SLC2A13: variants seen among roughly 807,000 people sequenced by gnomAD.
The protein encoded by SLC2A13 is proton myo-inositol cotransporter.
A neutral mutation model predicts 64.4 loss-of-function variants in SLC2A13; 32 were observed. The observed-to-expected ratio is 0.50, with a 90% CI of 0.37 to 0.67. The LOEUF is 0.67. SLC2A13 is among the 30% of genes least tolerant of loss of function. The pLI is 0.00. For synonymous variants in SLC2A13, 338 were observed against 327.1 expected, an observed-to-expected ratio of 1.03 and a Z score of -0.36; for missense variants, 743 against 829.2, an observed-to-expected ratio of 0.90 and a Z score of 1.28.
intron 3 of SLC2A13, among the ~76,000 whole-genome samples, chr12:40,014,976 A>T (rs1947599637): frequency 6.6e-6 from 1 of 152,236 alleles, no homozygotes; most frequent in Non-Finnish European, 1.5e-5. Context: ...AAACTCCAAG[A>T]CTAAATTAAA....
At chr12:39,858,901 C>A (rs891439124) in intron 6 of SLC2A13, among the ~76,000 whole-genome samples, 1 of 152,042 alleles carries the variant, frequency 6.6e-6, no homozygotes, top group Admixed American at 6.6e-5. Context: ...GCACCGTGCC[C>A]GACCGTTTTT....
chr12:39,944,395 TTTG>T (rs1341648896), intron 4 of SLC2A13, among the ~76,000 whole-genome samples: 20 of 152,254 alleles, frequency 1.3e-4, no homozygotes, highest in Admixed American at 1.0e-3. Context: ...CCACTGTTTC[TTTG>T]TTGACTTTTT....
At chr12:40,052,915 T>C (rs1375414242) in intron 1 of SLC2A13, among the ~76,000 whole-genome samples, 2 of 152,096 alleles carry the variant, frequency 1.3e-5, no homozygotes, top group Admixed American at 6.6e-5. Context: ...GACGAGCAAA[T>C]ATCTACCTTA....
At chr12:39,765,005 A>T in intron 7 of SLC2A13, 147 bp from the exon 8 acceptor site, 1 of 892,370 alleles carries the variant, frequency 1.1e-6, no homozygotes, top group East Asian at 2.7e-5. Flanking sequence ...CTAAATATAC[A>T]GTATTAGATA....
At chr12:39,766,613 A>G (rs1006267129) in intron 7 of SLC2A13, among the ~76,000 whole-genome samples, 5 of 152,002 alleles carry the variant, frequency 3.3e-5, no homozygotes, top group Non-Finnish European at 5.9e-5. Context: ...TCTCTGTAGC[A>G]TGCATTTTAC....
intron 2 of SLC2A13, among the ~76,000 whole-genome samples, chr12:40,036,308 A>T (rs1293277860): frequency 6.6e-6 from 1 of 152,218 alleles, no homozygotes; most frequent in Non-Finnish European, 1.5e-5. Context: ...CATAAGGCTG[A>T]AATTAATTTA....
intron 7 of SLC2A13, among the ~76,000 whole-genome samples, chr12:39,782,658 G>A (rs966257669): frequency 6.6e-6 from 1 of 152,146 alleles, no homozygotes; most frequent in East Asian, 1.9e-4. Flanking sequence ...ACTTGACATT[G>A]GAACTGGGTA....
At chr12:39,833,730 A>G (rs1049541301) in intron 6 of SLC2A13, among the ~76,000 whole-genome samples, 6 of 151,914 alleles carry the variant, frequency 3.9e-5, no homozygotes, top group African/African-American at 1.4e-4. Flanking sequence ...TAGATTTCCC[A>G]AACACCCACA....
intron 4 of SLC2A13, among the ~76,000 whole-genome samples, chr12:39,894,132 C>A (rs1430523166): frequency 6.6e-6 from 1 of 152,124 alleles, no homozygotes. Flanking sequence ...TCCTATAGTG[C>A]CACGTCACTA....
chr12:40,099,184 G>C (rs1939063688), intron 1 of SLC2A13, among the ~76,000 whole-genome samples: 1 of 152,192 alleles, frequency 6.6e-6, no homozygotes, highest in Admixed American at 6.5e-5. Context: ...TTACATGTGG[G>C]AAAAGTTTGA....
At chr12:39,914,082 A>C (rs530179381) in intron 4 of SLC2A13, among the ~76,000 whole-genome samples, 24 of 152,082 alleles carry the variant, frequency 1.6e-4, no homozygotes, top group Admixed American at 1.2e-3. Context: ...AAATGAACTC[A>C]CAGCTAAATA....
At chr12:39,844,446 T>G (rs1005344973) in intron 6 of SLC2A13, among the ~76,000 whole-genome samples, 1 of 152,082 alleles carries the variant, frequency 6.6e-6, no homozygotes, top group South Asian at 2.1e-4. Flanking sequence ...CTTCCATACC[T>G]AGTAGCATAC....
At chr12:39,841,071 A>G (rs115355224) in intron 6 of SLC2A13, among the ~76,000 whole-genome samples, 4 of 152,184 alleles carry the variant, frequency 2.6e-5, no homozygotes, top group Admixed American at 2.6e-4. Flanking sequence ...GAACTCTGTA[A>G]AAGAGTCATA....
At chr12:39,900,717 T>C (rs1280950282) in intron 4 of SLC2A13, among the ~76,000 whole-genome samples, 2 of 152,198 alleles carry the variant, frequency 1.3e-5, no homozygotes, top group African/African-American at 4.8e-5. Flanking sequence ...GAACATTCCA[T>C]GCTCATGGGT....
intron 1 of SLC2A13, among the ~76,000 whole-genome samples, chr12:40,059,357 TATAG>T (rs1354863676): frequency 6.6e-6 from 1 of 152,126 alleles, no homozygotes; most frequent in African/African-American, 2.4e-5. Context: ...AAGATAGACA[TATAG>T]ATAGATAAAA....
intron 3 of SLC2A13, among the ~76,000 whole-genome samples, chr12:39,971,075 A>T (rs1170238120): frequency 6.6e-6 from 1 of 152,142 alleles, no homozygotes; most frequent in Non-Finnish European, 1.5e-5. Context: ...TCTAATTCTT[A>T]ACTTCCCATA....
intron 7 of SLC2A13, among the ~76,000 whole-genome samples, chr12:39,779,121 A>C (rs1940884433): frequency 6.6e-6 from 1 of 152,168 alleles, no homozygotes; most frequent in South Asian, 2.1e-4. Flanking sequence ...AGTGGCTACT[A>C]GCCCCTGAGC....
intron 1 of SLC2A13, among the ~76,000 whole-genome samples, chr12:40,096,728 A>T (rs190461864): frequency 2.2e-3 from 338 of 152,008 alleles, no homozygotes; most frequent in Non-Finnish European, 3.8e-3. Context: ...AATAATATAT[A>T]CAGTATACCC....
chr12:39,856,296 A>G (rs1943605964), intron 6 of SLC2A13, among the ~76,000 whole-genome samples: 1 of 152,078 alleles, frequency 6.6e-6, no homozygotes, highest in Admixed American at 6.6e-5. Flanking sequence ...CACCCAGCCA[A>G]TCAAAATCAT....
Sources: gnomAD v4.1 joint callset for allele counts (sites outside exome capture counted in the v4.1 genomes callset) on GRCh38, gnomAD v4.1.1 for gene constraint, MANE v1.5 for transcripts, NCBI Gene and HGNC (gene_info 2026-07-23, HGNC 2026-07-21) for gene names.